Variants in ASAP3 observed in about 807,000 individuals in gnomAD.
The protein encoded by ASAP3 is ArfGAP with SH3 domain, ankyrin repeat and PH domain 3.
ASAP3 carries 85 observed loss-of-function variants against 118.2 expected under a neutral mutation model. The observed-to-expected ratio is 0.72, with a 90% confidence interval of 0.60 to 0.86. The LOEUF (loss-of-function observed/expected upper bound fraction) is 0.86, where lower values mean the gene tolerates loss of function less well. ASAP3 is among the 40% of genes least tolerant of loss of function. The pLI, the probability that ASAP3 is intolerant of heterozygous loss-of-function variation, is 0.00. For missense variants in ASAP3, 1,026 were observed against 1,175.0 expected (o/e 0.87, Z 1.85); for synonymous variants, 432 against 477.4 (o/e 0.90, Z 1.24).
At chr1:23,450,697 T>C (rs1053252025) in intron 5 of ASAP3, among the ~76,000 whole-genome samples, 1 of 152,198 alleles carries the variant, frequency 6.6e-6, no homozygotes. Flanking sequence ...TTTCTTCTTT[T>C]ACTTCTCCAT....
At chr1:23,440,500 C>CAAAAAAAAAAA (rs35344912) in intron 10 of ASAP3, among the ~76,000 whole-genome samples, 1 of 24,316 alleles carries the variant, frequency 4.1e-5, no homozygotes, top group African/African-American at 2.1e-4. Context: ...GACTCCATCT[C>CAAAAAAAAAAA]AAAAAAAAAA....
chr1:23,442,322 G>T, intron 6 of ASAP3, 51 bp from the exon 7 acceptor site: 1 of 1,573,982 alleles, frequency 6.4e-7, no homozygotes, highest in East Asian at 2.3e-5. Flanking sequence ...GCAGAATCCT[G>T]GGAACGAGGG....
intron 1 of ASAP3, among the ~76,000 whole-genome samples, chr1:23,457,820 G>A (rs1641437036): frequency 1.3e-5 from 2 of 152,152 alleles, no homozygotes; most frequent in Admixed American, 6.6e-5. Context: ...GGCACAAGTT[G>A]CCTATTCTTT....
intron 3 of ASAP3, among the ~76,000 whole-genome samples, chr1:23,453,890 G>T (rs1452686545): frequency 6.6e-6 from 1 of 152,160 alleles, no homozygotes; most frequent in East Asian, 1.9e-4. Context: ...GAGGCAGTCT[G>T]ACACTTTCCT....
intron 24 of ASAP3, among the ~76,000 whole-genome samples, chr1:23,430,493 C>T (rs1017520133): frequency 6.6e-6 from 1 of 152,198 alleles, no homozygotes; most frequent in African/African-American, 2.4e-5. Flanking sequence ...CTGTCACATC[C>T]CTCTATGCCT....
chr1:23,472,008 G>A (rs1164718625), intron 1 of ASAP3, among the ~76,000 whole-genome samples: 1 of 152,172 alleles, frequency 6.6e-6, no homozygotes, highest in Non-Finnish European at 1.5e-5. Flanking sequence ...GCCACATATA[G>A]TAGGATTTCA....
chr1:23,463,197 C>G (rs745310079), intron 1 of ASAP3, among the ~76,000 whole-genome samples: 6 of 152,074 alleles, frequency 3.9e-5, no homozygotes, highest in Admixed American at 2.0e-4. Context: ...CCCCTTCCTT[C>G]AAGAGAACCA....
chr1:23,444,428 A>G (rs1640981211), intron 5 of ASAP3, among the ~76,000 whole-genome samples: 1 of 152,234 alleles, frequency 6.6e-6, no homozygotes. Flanking sequence ...TCTGCTCTCA[A>G]GTGGGGGCCA....
chr1:23,432,102 G>A (rs1429497273), intron 22 of ASAP3, among the ~76,000 whole-genome samples, 184 bp from the exon 23 acceptor site: 1 of 151,118 alleles, frequency 6.6e-6, no homozygotes, highest in Admixed American at 6.6e-5. Context: ...CGCCTCCCAG[G>A]TTCAAGAGAT....
In ASAP3 at chr1:23,442,452, A is replaced by T. The variant is rs1423018555; in HGVS notation, c.585+49T>A. The T allele has an allele frequency of 1.9e-6, 3 of 1,602,462 alleles. No individual in the cohort carries two copies. In the African/African-American group the frequency reaches 4.0e-5, roughly 21 times the overall value. ...TGACTGGTCCCCTGGAGAGGCAGAC[A>T]GGAAGACACATCCCACGCCCCCCCT... On this transcript the variant is annotated intron_variant, in intron 6 of 24. Coordinates refer to ENST00000336689, the MANE Select transcript of ASAP3 (RefSeq NM_017707.4).
At chr1:23,434,468 G>A in intron 18 of ASAP3, 65 bp downstream of exon 18, 1 of 1,601,588 alleles carries the variant, frequency 6.2e-7, no homozygotes, top group Non-Finnish European at 8.6e-7. Flanking sequence ...GGAAGAGAAT[G>A]GGAGAAGAGG....
chr1:23,471,843 C>A (rs776103745), intron 1 of ASAP3, among the ~76,000 whole-genome samples: 3 of 152,212 alleles, frequency 2.0e-5, no homozygotes, highest in African/African-American at 7.2e-5. Flanking sequence ...AATAACTGGA[C>A]AGGCCCTGTG....
rs200891347 is a variant in ASAP3, at chr1:23,435,983, C to T, written c.1617G>A (p.Arg539=). 1.2e-5 allele frequency: 20 copies of T among 1,614,216 alleles called. No homozygotes were observed. The Middle Eastern group carries it at 4.9e-4, about 40-fold the overall frequency. The change falls in exon 17 of 25, where the codon AGG becomes AGA. Residue 539 remains arginine (R), a synonymous_variant. Coordinates refer to ENST00000336689, the MANE Select transcript of ASAP3 (RefSeq NM_017707.4). ...DYIMAKYVEH[R]FARRCTPEPQ... is the part of the protein sequence containing the mutation. ...GCTCAGGTGTGCACCGGCGTGCAAA[C>T]CTATGCTCCACATACTTGGCCATAA...
At chr1:23,446,631 T>C (rs1280396139) in intron 5 of ASAP3, among the ~76,000 whole-genome samples, 4 of 152,028 alleles carry the variant, frequency 2.6e-5, no homozygotes, top group Non-Finnish European at 5.9e-5. Context: ...AGAGCCGGGG[T>C]TTCACAATGT....
chr1:23,484,314 C>T, upstream of ASAP3: 1 of 566,670 alleles, frequency 1.8e-6, no homozygotes, highest in South Asian at 8.8e-5. Context: ...GGCCCCGCCC[C>T]CGGCTCCTCG....
intron 1 of ASAP3, among the ~76,000 whole-genome samples, chr1:23,471,879 T>C (rs1400296781): frequency 6.6e-6 from 1 of 152,202 alleles, no homozygotes; most frequent in African/African-American, 2.4e-5. Context: ...ATCTGAAAAG[T>C]GCTTACAACA....
At chr1:23,446,661 CT>C (rs1366776069) in intron 5 of ASAP3, among the ~76,000 whole-genome samples, 1 of 152,186 alleles carries the variant, frequency 6.6e-6, no homozygotes, top group African/African-American at 2.4e-5. Context: ...TGGTCTCGAA[CT>C]CCTGACCTCA....
Position 23,437,188 on chromosome 1 carries a change from G to A in ASAP3, c.1284C>T (p.Leu428=). ...CAGGCCTGCTCTTCACCTCCGCGAT[G>A]AGCAGCTTTGTGAGGTCGTGCGGCT... The part of the protein sequence containing the change: ...DGEPHDLTKL[L]IAEVKSRPGN... The change falls in exon 14 of 25, where the codon CTC becomes CTT. Residue 428 remains leucine, a synonymous_variant. Transcript: ENST00000336689. The surrounding 1 kb of genome is among the most constrained non-coding windows in gnomAD (Gnocchi z 6.1). 6.2e-7 allele frequency: 1 copy of A among 1,607,032 alleles called. No individual in the cohort carries two copies. The highest frequency in any genetic ancestry group is 8.5e-7 in the Non-Finnish European group (1 of 1,177,116).
At chr1:23,455,135 G>A (rs759884589) in intron 3 of ASAP3, among the ~76,000 whole-genome samples, 2 of 152,176 alleles carry the variant, frequency 1.3e-5, no homozygotes, top group South Asian at 4.1e-4. Context: ...GGTTCAAACC[G>A]AACCGTGTGA....
Sources: gnomAD v4.1 joint callset for allele counts (sites outside exome capture counted in the v4.1 genomes callset) on GRCh38, gnomAD v4.1.1 for gene constraint, Gnocchi (gnomAD v3.1) non-coding constraint, MANE v1.5 for transcripts, NCBI Gene and HGNC (gene_info 2026-07-23, HGNC 2026-07-21) for gene names.